PRKG1: variants seen among roughly 807,000 people sequenced by gnomAD.
The protein encoded by PRKG1 is protein kinase cGMP-dependent 1, also known as cGMP-dependent protein kinase 1.
A neutral mutation model predicts 88.1 loss-of-function variants in PRKG1; 35 were observed. That is an observed-to-expected ratio of 0.40 (90% CI 0.30 to 0.53). The LOEUF (loss-of-function observed/expected upper bound fraction) is 0.53. PRKG1 is among the 20% of genes least tolerant of loss of function. The probability of loss-of-function intolerance (pLI) is 0.59; values close to 1 mark genes in which losing one functional copy is unlikely to be tolerated. For missense variants in PRKG1, 540 were observed against 839.8 expected (o/e 0.64, Z 4.41); for synonymous variants, 303 against 292.5 (o/e 1.04, Z -0.37).
At chr10:52,090,629 T>G (rs144471543) in intron 7 of PRKG1, among the ~76,000 whole-genome samples, 1 of 152,320 alleles carries the variant, frequency 6.6e-6, no homozygotes, top group Non-Finnish European at 1.5e-5. Flanking sequence ...TGCATAGCCT[T>G]AAACTATCTC....
intron 3 of PRKG1, among the ~76,000 whole-genome samples, chr10:51,681,397 G>A (rs2132370667): frequency 6.6e-6 from 1 of 152,166 alleles, no homozygotes; most frequent in African/African-American, 2.4e-5. Flanking sequence ...AAAATTTGAG[G>A]AGAAATACAG....
At chr10:51,886,222 G>C (rs529140711) in intron 4 of PRKG1, among the ~76,000 whole-genome samples, 1 of 152,194 alleles carries the variant, frequency 6.6e-6, no homozygotes, top group East Asian at 1.9e-4. Flanking sequence ...GTATTTTACA[G>C]CCACAATTTC....
chr10:51,578,980 G>GTTTTTTTTCTTTT (rs1837958210), intron 3 of PRKG1, among the ~76,000 whole-genome samples: 1 of 77,828 alleles, frequency 1.3e-5, no homozygotes, highest in Non-Finnish European at 2.5e-5. Flanking sequence ...AGTTCTGTTG[G>GTTTTTTTTCTTTT]TTTTTTTTTT....
chr10:51,778,840 A>T (rs1296688183), intron 3 of PRKG1, among the ~76,000 whole-genome samples: 1 of 152,136 alleles, frequency 6.6e-6, no homozygotes, highest in African/African-American at 2.4e-5. Context: ...AGTAATCCGG[A>T]TGTCAGTACT....
chr10:51,304,549 T>C (rs1008444197), intron 2 of PRKG1, among the ~76,000 whole-genome samples: 2 of 151,592 alleles, frequency 1.3e-5, no homozygotes, highest in Non-Finnish European at 3.0e-5. Flanking sequence ...TAGTTACATA[T>C]GTATACATGT....
intron 7 of PRKG1, 100 bp from the exon 8 acceptor site, chr10:52,133,740 G>T: frequency 7.3e-6 from 7 of 963,512 alleles, no homozygotes; most frequent in Non-Finnish European, 9.3e-6. Flanking sequence ...TAAATCAGAA[G>T]AGTTTATATA....
chr10:51,074,263 C>G (rs1843886613), upstream of PRKG1: 2 of 276,740 alleles, frequency 7.2e-6, no homozygotes, highest in Non-Finnish European at 1.3e-5. Flanking sequence ...CCTCCTCCCG[C>G]TCCCCCGCCA....
At chr10:51,360,673 C>T (rs1355213221) in intron 2 of PRKG1, among the ~76,000 whole-genome samples, 1 of 151,894 alleles carries the variant, frequency 6.6e-6, no homozygotes, top group Admixed American at 6.6e-5. Flanking sequence ...TACCCACAGG[C>T]TTGTAACGCT....
chr10:52,246,684 C>T (rs537395635), intron 9 of PRKG1, among the ~76,000 whole-genome samples: 11 of 152,082 alleles, frequency 7.2e-5, no homozygotes, highest in African/African-American at 2.6e-4. Flanking sequence ...CAAGACCAGC[C>T]TGACCAACAT....
At chr10:51,213,382 G>A (rs1033794958) in intron 2 of PRKG1, among the ~76,000 whole-genome samples, 1 of 152,108 alleles carries the variant, frequency 6.6e-6, no homozygotes, top group Non-Finnish European at 1.5e-5. Context: ...CCAGTTAATG[G>A]GTGCAGCACA....
chr10:52,180,545 A>C (rs1838990398), intron 9 of PRKG1, among the ~76,000 whole-genome samples: 1 of 152,058 alleles, frequency 6.6e-6, no homozygotes, highest in Non-Finnish European at 1.5e-5. Flanking sequence ...GATTTTACTG[A>C]TGTATGTGGG....
intron 3 of PRKG1, among the ~76,000 whole-genome samples, chr10:51,777,836 G>A (rs868263217): frequency 1.3e-5 from 2 of 151,964 alleles, no homozygotes; most frequent in South Asian, 2.1e-4. Context: ...CCAGAATGTC[G>A]TATACTGTAG....
intron 3 of PRKG1, among the ~76,000 whole-genome samples, chr10:51,679,897 C>T (rs1840806016): frequency 7.5e-6 from 1 of 134,120 alleles, no homozygotes; most frequent in African/African-American, 2.8e-5. Context: ...CCACAGTCCC[C>T]AGAGTGTGAT....
chr10:51,096,237 T>C (rs1247110212), intron 1 of PRKG1, among the ~76,000 whole-genome samples: 1 of 152,138 alleles, frequency 6.6e-6, no homozygotes, highest in Non-Finnish European at 1.5e-5. Flanking sequence ...GATCCAGGAC[T>C]CTGTGTAATG....
At chr10:52,247,000 A>G (rs1417647666) in intron 9 of PRKG1, among the ~76,000 whole-genome samples, 1 of 150,500 alleles carries the variant, frequency 6.6e-6, no homozygotes, top group African/African-American at 2.4e-5. Context: ...ATGATGTATT[A>G]CTTCTGCCTT....
intron 10 of PRKG1, among the ~76,000 whole-genome samples, chr10:52,260,679 A>G (rs1841412113): frequency 6.6e-6 from 1 of 151,740 alleles, no homozygotes; most frequent in South Asian, 2.1e-4. Context: ...CATAGAAATT[A>G]AAGTATTGGG....
intron 2 of PRKG1, among the ~76,000 whole-genome samples, chr10:51,455,588 G>A (rs1839562628): frequency 6.6e-6 from 1 of 152,138 alleles, no homozygotes; most frequent in Non-Finnish European, 1.5e-5. Context: ...TCTCCCTCAA[G>A]TTCAAAGTTC....
chr10:52,293,651 A>G lies in PRKG1; in HGVS notation c.1963-151A>G, dbSNP rs9664313. 5.3e-3 allele frequency: 3,334 copies of G among 627,002 alleles called. 77 individuals carry two copies. Among genetic ancestry groups the G allele is most frequent in the African/African-American group, 0.051 (2,773 of 54,336 alleles). The allele number at this position is 627,002 out of a possible 1,614,324, so 38.8% of individuals were successfully genotyped here. A position where few individuals can be genotyped will look rare whatever the true frequency, so the allele number is the denominator to read the frequency against. ...AAGGATAAGAACCATGTCTGCTTGT[A>G]CTTACCACTGTGACCCTCAATACCT... On this transcript the variant is annotated intron_variant, in intron 17 of 17. Transcript: ENST00000373980.
intron 1 of PRKG1, among the ~76,000 whole-genome samples, chr10:51,013,530 A>ACT (rs377124019): frequency 5.9e-4 from 90 of 152,190 alleles, no homozygotes; most frequent in Middle Eastern, 3.4e-3. Flanking sequence ...AGCTGTGACT[A>ACT]CAGGTGCATG....
Sources: allele counts gnomAD v4.1 joint callset (sites outside exome capture counted in the v4.1 genomes callset), GRCh38; gene constraint gnomAD v4.1.1; transcripts MANE v1.5; gene names NCBI Gene and HGNC (gene_info 2026-07-23, HGNC 2026-07-21).